The following ADCY2 variants were observed in gnomAD, a reference collection of about 807,000 sequenced individuals.
ADCY2 encodes the protein adenylate cyclase 2.
ADCY2 carries 31 observed loss-of-function variants against 125.2 expected under a neutral mutation model. That is an observed-to-expected ratio of 0.25 (90% CI 0.19 to 0.33). The LOEUF (loss-of-function observed/expected upper bound fraction) is 0.33. Among genes scored for constraint, ADCY2 ranks in the 10% least tolerant of loss-of-function variants. The pLI is 1.00. For missense variants in ADCY2, 904 were observed against 1,418.2 expected, an observed-to-expected ratio of 0.64 and a Z score of 5.82; for synonymous variants, 512 against 548.4, an observed-to-expected ratio of 0.93 and a Z score of 0.93.
intron 2 of ADCY2, among the ~76,000 whole-genome samples, chr5:7,467,453 G>A (rs540250328): frequency 1.3e-5 from 2 of 152,272 alleles, no homozygotes; most frequent in South Asian, 2.1e-4. Context: ...GGGTCCCCAC[G>A]TGACCATGGA....
intron 3 of ADCY2, among the ~76,000 whole-genome samples, chr5:7,563,900 T>C (rs1207179559): frequency 1.3e-5 from 2 of 152,210 alleles, no homozygotes; most frequent in Non-Finnish European, 2.9e-5. Flanking sequence ...TCAAATAGGC[T>C]GGGTACTACA....
chr5:7,654,775 G>A (rs1021338669), intron 4 of ADCY2, among the ~76,000 whole-genome samples: 3 of 152,146 alleles, frequency 2.0e-5, no homozygotes, highest in Non-Finnish European at 4.4e-5. Flanking sequence ...CTGAAAATGC[G>A]AATGCCCAGA....
chr5:7,658,768 A>G (rs1051556399), intron 4 of ADCY2, among the ~76,000 whole-genome samples: 5 of 152,150 alleles, frequency 3.3e-5, no homozygotes. Context: ...CAATTCCAAA[A>G]CCTGCAGGGT....
At chr5:7,726,429 G>A (rs990470155) in intron 13 of ADCY2, among the ~76,000 whole-genome samples, 4 of 152,158 alleles carry the variant, frequency 2.6e-5, no homozygotes, top group Admixed American at 6.5e-5. Context: ...GCACTGTGCT[G>A]AATGTGGCAG....
At chr5:7,563,773 G>A (rs756601622) in intron 3 of ADCY2, among the ~76,000 whole-genome samples, 23 of 152,082 alleles carry the variant, frequency 1.5e-4, no homozygotes, top group Non-Finnish European at 2.6e-4. Flanking sequence ...ATCTTAAAAC[G>A]TATTGCTGTT....
At chr5:7,791,539 A>G (rs1744248572) in intron 20 of ADCY2, among the ~76,000 whole-genome samples, 1 of 152,290 alleles carries the variant, frequency 6.6e-6, no homozygotes, top group Non-Finnish European at 1.5e-5. Flanking sequence ...TTCCAGGGCT[A>G]CACAACAAGT....
intron 3 of ADCY2, among the ~76,000 whole-genome samples, chr5:7,596,115 C>T (rs1301344244): frequency 6.6e-6 from 1 of 151,966 alleles, no homozygotes; most frequent in Non-Finnish European, 1.5e-5. Flanking sequence ...CTGTCTCTTC[C>T]AGTCTTCCAT....
Position 7,421,315 on chromosome 5 carries a change from A to C in ADCY2, c.408+6545A>C, listed in dbSNP as rs139501524. ...GAAGTCTGCAGAAGTCTGAAATCAC[A>C]GTGTCAGCAGGGCTGTATTCTTTTG... is the stretch of plus-strand genomic sequence containing the variant. On this transcript the variant is annotated intron_variant, in intron 2 of 24. Transcript: ENST00000338316. 2.2e-4 allele frequency among the ~76,000 whole-genome samples: 34 copies of C among 152,340 alleles called. No homozygotes were observed. The East Asian group carries it at 6.4e-3, about 28-fold the overall frequency.
At position 7,662,397 on chromosome 5, in the gene ADCY2, CAGA is replaced by C. The variant is rs1739564027; in HGVS notation, c.721-28293_721-28291del. ...CTCCTTCATCCAACTGTTGCTAGTG[CAGA>C]TAACAGCTGCTGCCCCCTCCACGGC... On this transcript the variant is annotated intron_variant, in intron 4 of 24. Coordinates refer to ENST00000338316, the MANE Select transcript of ADCY2 (RefSeq NM_020546.3). Among the ~76,000 whole-genome samples the C allele has an allele frequency of 2.0e-5, 3 of 152,158 alleles. No homozygotes were observed. The South Asian group carries it at 6.2e-4, about 31-fold the overall frequency.
At chr5:7,732,508 T>C (rs566204261) in intron 14 of ADCY2, among the ~76,000 whole-genome samples, 1 of 152,354 alleles carries the variant, frequency 6.6e-6, no homozygotes, top group East Asian at 1.9e-4. Flanking sequence ...GCAGTCTGAT[T>C]TGAATACCTT....
intron 3 of ADCY2, among the ~76,000 whole-genome samples, chr5:7,573,593 C>CT (rs763347773): frequency 0.049 from 4,275 of 86,402 alleles, 237 homozygotes; most frequent in African/African-American, 0.1. Context: ...GGTTGATTTT[C>CT]TTTTTTTTTT....
At chr5:7,730,244 A>T (rs895473045) in intron 14 of ADCY2, among the ~76,000 whole-genome samples, 1 of 152,182 alleles carries the variant, frequency 6.6e-6, no homozygotes, top group Admixed American at 6.5e-5. Flanking sequence ...GTAATTTTCC[A>T]TCGTGTATGT....
At chr5:7,594,512 T>C (rs985020458) in intron 3 of ADCY2, among the ~76,000 whole-genome samples, 1 of 152,220 alleles carries the variant, frequency 6.6e-6, no homozygotes, top group African/African-American at 2.4e-5. Flanking sequence ...TTTGCTGAAA[T>C]GTCCCAGTTT....
intron 7 of ADCY2, among the ~76,000 whole-genome samples, chr5:7,701,015 T>C (rs1478995831): frequency 6.6e-6 from 1 of 152,150 alleles, no homozygotes. Flanking sequence ...TAGCTTTTTT[T>C]CAAAAGTAAG....
chr5:7,532,276 G>C (rs1734673896), intron 3 of ADCY2, among the ~76,000 whole-genome samples: 1 of 152,170 alleles, frequency 6.6e-6, no homozygotes, highest in Non-Finnish European at 1.5e-5. Flanking sequence ...ACATTAAAGA[G>C]AAAGAAAGAG....
intron 12 of ADCY2, among the ~76,000 whole-genome samples, chr5:7,719,710 C>T (rs1251940574): frequency 6.6e-6 from 1 of 152,192 alleles, no homozygotes; most frequent in Non-Finnish European, 1.5e-5. Flanking sequence ...TCCAAGGACA[C>T]TCATACTATC....
intron 3 of ADCY2, among the ~76,000 whole-genome samples, chr5:7,596,350 A>G (rs146278352): frequency 0.014 from 2,070 of 152,280 alleles, 193 homozygotes; most frequent in Admixed American, 0.13. Context: ...ACGAATAAGT[A>G]TCTCCACCGT....
chr5:7,456,320 A>AGTGATGAT (rs1741667844), intron 2 of ADCY2, among the ~76,000 whole-genome samples: 1 of 152,204 alleles, frequency 6.6e-6, no homozygotes, highest in Non-Finnish European at 1.5e-5. Flanking sequence ...TTCAGTGTTC[A>AGTGATGAT]GTGATGATCT....
intron 14 of ADCY2, among the ~76,000 whole-genome samples, chr5:7,740,974 G>A (rs1172558682): frequency 1.3e-5 from 2 of 151,732 alleles, no homozygotes; most frequent in Non-Finnish European, 2.9e-5. Flanking sequence ...AGAAAGAACA[G>A]ACCTTAATAA....
Sources: gnomAD v4.1 joint callset for allele counts (sites outside exome capture counted in the v4.1 genomes callset) on GRCh38, gnomAD v4.1.1 for gene constraint, MANE v1.5 for transcripts, NCBI Gene and HGNC (gene_info 2026-07-23, HGNC 2026-07-21) for gene names.